Variants in MED23 observed in about 807,000 individuals in gnomAD.
The protein encoded by MED23 is mediator complex subunit 23.
In MED23, 105 loss-of-function variants were observed where a neutral mutation model predicts 163.9. The ratio of observed to expected loss-of-function variants is 0.64; its 90% CI spans 0.55 to 0.75. The LOEUF (loss-of-function observed/expected upper bound fraction) is 0.75. Among genes scored for constraint, MED23 ranks in the 30% least tolerant of loss-of-function variants. The probability of loss-of-function intolerance (pLI) is 0.00; values close to 1 mark genes in which losing one functional copy is unlikely to be tolerated. For synonymous variants in MED23, 561 were observed against 565.6 expected, an observed-to-expected ratio of 0.99 and a Z score of 0.12; for missense variants, 1,054 against 1,649.0, an observed-to-expected ratio of 0.64 and a Z score of 6.25.
chr6:131,598,185 T>A lies in MED23; in HGVS notation c.2607+102A>T. On this transcript the variant is annotated intron_variant, in intron 20 of 28. Transcript: ENST00000368068. The surrounding 1 kb of genome is among the most constrained non-coding windows in gnomAD (Gnocchi z 4.7). ...ACAGCAATGCTTGATATAGTATAAA[T>A]TCATTAAATCCTTCAAAGCAATATA... is the stretch of plus-strand genomic sequence containing the variant. 8.5e-7 allele frequency: 1 copy of A among 1,171,004 alleles called. No homozygotes were observed. Among genetic ancestry groups the A allele is most frequent in the Non-Finnish European group, 1.3e-6 (1 of 797,598 alleles). The allele number at this position is 1,171,004 out of a possible 1,614,324, so 72.5% of individuals were successfully genotyped here.
chr6:131,612,519 T>C (rs975785868), intron 10 of MED23, among the ~76,000 whole-genome samples: 2 of 152,144 alleles, frequency 1.3e-5, no homozygotes, highest in African/African-American at 2.4e-5. Flanking sequence ...CAATGGATGC[T>C]ATCCCTATGA....
At chr6:131,621,804 G>T in intron 6 of MED23, 77 bp downstream of exon 6, 2 of 850,698 alleles carry the variant, frequency 2.4e-6, no homozygotes, top group Non-Finnish European at 3.6e-6. Context: ...AATACCGTAA[G>T]TATTAAAAGC....
At chr6:131,576,078 C>G (rs190201884) in intron 30 of MED23, among the ~76,000 whole-genome samples, 7 of 152,316 alleles carry the variant, frequency 4.6e-5, no homozygotes, top group Admixed American at 4.6e-4. Context: ...TTCCTAACTA[C>G]CTACTCATGT....
intron 8 of MED23, among the ~76,000 whole-genome samples, 197 bp from the exon 9 acceptor site, chr6:131,618,716 C>T (rs1449116752): frequency 1.3e-5 from 2 of 152,198 alleles, no homozygotes; most frequent in Non-Finnish European, 2.9e-5. Flanking sequence ...TTTGCACAGG[C>T]TTTCCAAAGT....
chr6:131,624,057 CT>C, intron 4 of MED23, among the ~76,000 whole-genome samples: 1 of 152,160 alleles, frequency 6.6e-6, no homozygotes, highest in East Asian at 1.9e-4. Context: ...AGAAGTCTAT[CT>C]AAAGCTTTCG....
At chr6:131,582,968 T>C (rs1774011765), downstream of MED23, 2 of 914,440 alleles carry the variant, frequency 2.2e-6, no homozygotes, top group Non-Finnish European at 3.4e-6. Flanking sequence ...AAATGTTTTA[T>C]ATATTTTACT....
At chr6:131,603,624 A>C (rs1291013459) in intron 15 of MED23, among the ~76,000 whole-genome samples, 1 of 152,200 alleles carries the variant, frequency 6.6e-6, no homozygotes, top group African/African-American at 2.4e-5. Flanking sequence ...TTTGTTCAAC[A>C]ATCAGTTATC....
At position 131,602,071 on chromosome 6, in the gene MED23, G is replaced by T. The variant is rs1169422363; in HGVS notation, c.2095+147C>A. The T allele has an allele frequency of 4.7e-6, 4 of 842,508 alleles. No homozygotes were observed. The African/African-American group carries it at 6.8e-5, about 14-fold the overall frequency. The allele number at this position is 842,508 out of a possible 1,614,324, so 52.2% of individuals were successfully genotyped here. A position where few individuals can be genotyped will look rare whatever the true frequency, so the allele number is the denominator to read the frequency against. ...GGTACACAAAAGAGCTTCCATAAAT[G>T]AGTGAAATAGTGAAGATATCAAAAC... On this transcript the variant is annotated intron_variant, in intron 17 of 28. Coordinates refer to ENST00000368068, the MANE Select transcript of MED23 (RefSeq NM_004830.4).
intron 21 of MED23, 71 bp downstream of exon 21, chr6:131,596,447 C>A: frequency 6.4e-7 from 1 of 1,554,794 alleles, no homozygotes; most frequent in Non-Finnish European, 8.9e-7. Flanking sequence ...GAGAAAACGG[C>A]CAAATCACTT....
chr6:131,604,336 G>A lies in MED23; in HGVS notation c.1614-16C>T, dbSNP rs977848044. On this transcript the variant is annotated splice_polypyrimidine_tract_variant and intron_variant, in intron 14 of 28. Coordinates refer to ENST00000368068, the MANE Select transcript of MED23 (RefSeq NM_004830.4). ...GTGAATAAGGCTGAGGAGAAAAAAA[G>A]GGAAGAAAATAAAAATCCATATTTT... The A allele has an allele frequency of 1.2e-6, 2 of 1,613,182 alleles. No individual in the cohort carries two copies. Among genetic ancestry groups the A allele is most frequent in the Non-Finnish European group, 1.7e-6 (2 of 1,179,478 alleles).
chr6:131,575,125 A>G (rs1395246302), intron 30 of MED23, among the ~76,000 whole-genome samples: 2 of 152,218 alleles, frequency 1.3e-5, no homozygotes, highest in Non-Finnish European at 2.9e-5. Flanking sequence ...AAAACAAATA[A>G]AAAAGAATTC....
chr6:131,624,382 G>C (rs1322993723), intron 4 of MED23, among the ~76,000 whole-genome samples: 1 of 152,172 alleles, frequency 6.6e-6, no homozygotes, highest in South Asian at 2.1e-4. Flanking sequence ...GGAGGTTCTG[G>C]CTAATAATCC....
downstream of MED23, chr6:131,584,175 T>C: frequency 6.9e-6 from 3 of 435,604 alleles, no homozygotes; most frequent in Non-Finnish European, 8.2e-6. Flanking sequence ...AATTAAAAAT[T>C]TGCTGGCATT....
chr6:131,600,885 A>C (rs886695029), intron 17 of MED23, among the ~76,000 whole-genome samples: 5 of 152,250 alleles, frequency 3.3e-5, no homozygotes, highest in African/African-American at 1.2e-4. Flanking sequence ...ACTCAGTGAA[A>C]GAAAAGTGCC....
chr6:131,577,902 T>A, intron 30 of MED23, among the ~76,000 whole-genome samples: 2 of 114,066 alleles, frequency 1.8e-5, no homozygotes, highest in Non-Finnish European at 1.7e-5. Context: ...AGACTCCATC[T>A]CCAAAAAAAA....
At chr6:131,619,961 T>A (rs1310957932) in intron 7 of MED23, 65 bp from the exon 8 acceptor site, 1 of 918,062 alleles carries the variant, frequency 1.1e-6, no homozygotes, top group East Asian at 2.4e-5. Context: ...AGACTGCCCC[T>A]GAAATATATG....
chr6:131,594,196 A>G lies in MED23; in HGVS notation c.3135T>C (p.Ser1045=). 2 of 1,614,186 alleles carry G rather than the reference A, an allele frequency of 1.2e-6. No homozygotes were observed. Among genetic ancestry groups the G allele is most frequent in the African/African-American group, 2.7e-5 (2 of 75,048 alleles). The change falls in exon 23 of 29, where the codon AGT becomes AGC. Residue 1045 remains serine (S), a synonymous_variant. Coordinates refer to ENST00000368068, the MANE Select transcript of MED23 (RefSeq NM_004830.4). ...TCATAGCGCATTTCAGGTAAGTGTC[A>G]CTTAGACACCAGCCCTGCGGTCGAT... ...KDNRPQGWCL[S]DTYLKCAMNA...
chr6:131,615,688 A>G, intron 10 of MED23: 3 of 625,518 alleles, frequency 4.8e-6, no homozygotes, highest in Non-Finnish European at 8.5e-6. Context: ...AAGCAATGCA[A>G]AATAAACCAA....
At chr6:131,616,423 A>C (rs905910084) in intron 9 of MED23, among the ~76,000 whole-genome samples, 7 of 152,210 alleles carry the variant, frequency 4.6e-5, no homozygotes, top group African/African-American at 1.7e-4. Flanking sequence ...ATCATTAATA[A>C]TATCTTTGCT....
Sources: allele counts gnomAD v4.1 joint callset (sites outside exome capture counted in the v4.1 genomes callset), GRCh38; gene constraint gnomAD v4.1.1; non-coding constraint Gnocchi (gnomAD v3.1); transcripts MANE v1.5; gene names NCBI Gene and HGNC (gene_info 2026-07-23, HGNC 2026-07-21).